The following PTPRG variants were observed in gnomAD, a reference collection of about 807,000 sequenced individuals.
PTPRG encodes receptor-type tyrosine-protein phosphatase gamma.
A neutral mutation model predicts 165.3 loss-of-function variants in PTPRG; 102 were observed. That is an observed-to-expected ratio of 0.62 (90% confidence interval 0.53 to 0.73). PTPRG has a LOEUF of 0.73. PTPRG is among the 30% of genes least tolerant of loss of function. PTPRG has a pLI of 0.00. For synonymous variants in PTPRG, 675 were observed against 669.5 expected (o/e 1.01, Z -0.13); for missense variants, 1,866 against 1,861.4 (o/e 1.00, Z -0.05).
chr3:61,861,608 T>C (rs2037272735), intron 2 of PTPRG, among the ~76,000 whole-genome samples: 1 of 152,172 alleles, frequency 6.6e-6, no homozygotes, highest in Non-Finnish European at 1.5e-5. Context: ...GCAAAGTAAT[T>C]TTCAGCTCTA....
At chr3:61,621,045 A>ATGTGTGTG (rs1414471842) in intron 1 of PTPRG, among the ~76,000 whole-genome samples, 4 of 77,478 alleles carry the variant, frequency 5.2e-5, no homozygotes, top group Admixed American at 1.3e-4. Flanking sequence ...ATATATATAT[A>ATGTGTGTG]TATATATGTG....
rs532429696 is a variant in PTPRG, at chr3:61,617,027, G to A, written c.85+54655G>A. Among the ~76,000 whole-genome samples, 16 of 152,336 alleles carry A rather than the reference G, an allele frequency of 1.1e-4. No individual in the cohort carries two copies. The East Asian group carries it at 2.9e-3, about 28-fold the overall frequency. On this transcript the variant is annotated intron_variant, in intron 1 of 29. Coordinates refer to ENST00000474889, the MANE Select transcript of PTPRG (RefSeq NM_002841.4). ...GCTGGAGTTTTGGTAAAAGGATTGTGTGCCTGATCCTGGTTTGTGTCCGAG... is the reference window on the plus strand; with the variant it reads ...GCTGGAGTTTTGGTAAAAGGATTGTATGCCTGATCCTGGTTTGTGTCCGAG...
intron 2 of PTPRG, among the ~76,000 whole-genome samples, chr3:61,953,424 TA>T (rs2039944832): frequency 6.6e-6 from 1 of 152,208 alleles, no homozygotes; most frequent in South Asian, 2.1e-4. Context: ...CCTTGGTATT[TA>T]AAAACCTAGG....
intron 5 of PTPRG, among the ~76,000 whole-genome samples, chr3:62,100,988 C>T (rs1179426100): frequency 6.6e-6 from 1 of 152,116 alleles, no homozygotes; most frequent in East Asian, 1.9e-4. Flanking sequence ...AAGTGGCATC[C>T]AAAATGCTAA....
intron 2 of PTPRG, among the ~76,000 whole-genome samples, chr3:61,921,167 C>A (rs2039070376): frequency 6.6e-6 from 1 of 151,206 alleles, no homozygotes; most frequent in Non-Finnish European, 1.5e-5. Context: ...TTCCTTCTTA[C>A]CTATCTACAG....
chr3:61,569,193 T>A (rs1052557036), intron 1 of PTPRG, among the ~76,000 whole-genome samples: 9 of 152,236 alleles, frequency 5.9e-5, no homozygotes, highest in Admixed American at 2.0e-4. Flanking sequence ...CTTTTCTATT[T>A]GTTTTCTAAA....
At chr3:62,241,622 C>G (rs1194233474) in intron 14 of PTPRG, among the ~76,000 whole-genome samples, 1 of 151,926 alleles carries the variant, frequency 6.6e-6, no homozygotes. Context: ...GCTGAACTGT[C>G]TGCCTGTCTT....
chr3:61,746,995 G>A (rs2033232386), intron 1 of PTPRG, among the ~76,000 whole-genome samples: 2 of 152,164 alleles, frequency 1.3e-5, no homozygotes, highest in African/African-American at 4.8e-5. Context: ...ATAGTGGCAT[G>A]CGCTGATGGT....
At chr3:61,585,589 GTACAAAAA>G (rs1436777762) in intron 1 of PTPRG, among the ~76,000 whole-genome samples, 1 of 151,432 alleles carries the variant, frequency 6.6e-6, no homozygotes, top group Non-Finnish European at 1.5e-5. Context: ...TACAAAAAAA[GTACAAAAA>G]TTAGCCAGGT....
chr3:62,197,584 A>G (rs1354216491), intron 10 of PTPRG, among the ~76,000 whole-genome samples: 2 of 152,088 alleles, frequency 1.3e-5, no homozygotes, highest in Non-Finnish European at 2.9e-5. Flanking sequence ...GTGCTGGCCT[A>G]GGGGAGAAGG....
At chr3:61,890,798 A>G (rs2038192626) in intron 2 of PTPRG, among the ~76,000 whole-genome samples, 1 of 152,200 alleles carries the variant, frequency 6.6e-6, no homozygotes, top group Non-Finnish European at 1.5e-5. Context: ...TCTACCTGCC[A>G]TTCAGCTTTT....
At chr3:61,635,760 G>A (rs1701892188) in intron 1 of PTPRG, among the ~76,000 whole-genome samples, 2 of 152,092 alleles carry the variant, frequency 1.3e-5, no homozygotes, top group South Asian at 4.1e-4. Flanking sequence ...ATTCCAGGTA[G>A]CCTATCTCCA....
intron 5 of PTPRG, among the ~76,000 whole-genome samples, chr3:62,086,715 C>T (rs1051869468): frequency 1.3e-5 from 2 of 152,098 alleles, no homozygotes; most frequent in African/African-American, 4.8e-5. Context: ...AATTAAAATA[C>T]ATATGTTCCA....
chr3:61,873,388 C>A (rs2037637764), intron 2 of PTPRG, among the ~76,000 whole-genome samples: 1 of 152,040 alleles, frequency 6.6e-6, no homozygotes, highest in Admixed American at 6.6e-5. Flanking sequence ...CTTAAAACAT[C>A]TGATACAGAA....
rs1294808577 is a variant in PTPRG, at chr3:61,705,082, T to TA, written c.86-43789dup. On this transcript the variant is annotated intron_variant, in intron 1 of 29. Coordinates refer to ENST00000474889, the MANE Select transcript of PTPRG (RefSeq NM_002841.4). ...GGACAGTGAGCTTAGCTGCCTGGGA[T>TA]AAAAAAACACATGCACTGAAGAGCT... Among the ~76,000 whole-genome samples the TA allele has an allele frequency of 3.3e-5, 5 of 152,262 alleles. No individual in the cohort carries two copies. The South Asian group carries it at 6.2e-4, about 19-fold the overall frequency.
intron 1 of PTPRG, among the ~76,000 whole-genome samples, chr3:61,600,643 G>C (rs1173254585): frequency 6.6e-6 from 1 of 152,104 alleles, no homozygotes; most frequent in African/African-American, 2.4e-5. Flanking sequence ...AGGCTCAAGC[G>C]ATCCTCCCAC....
intron 4 of PTPRG, among the ~76,000 whole-genome samples, chr3:62,026,879 T>TAAAAAAAAGAAAAAAAAAA (rs2041815944): frequency 1.1e-5 from 1 of 94,726 alleles, no homozygotes; most frequent in Non-Finnish European, 2.0e-5. Context: ...GAGTGAGAAT[T>TAAAAAAAAGAAAAAAAAAA]AAAAAAAAAA....
chr3:61,744,411 C>T (rs925647658), intron 1 of PTPRG, among the ~76,000 whole-genome samples: 13 of 152,156 alleles, frequency 8.5e-5, no homozygotes, highest in African/African-American at 2.9e-4. Flanking sequence ...ACACCTAGAC[C>T]ATATGGTGTA....
Position 61,831,934 on chromosome 3 carries a change from A to G in PTPRG, c.190+82952A>G, listed in dbSNP as rs148384612. Among the ~76,000 whole-genome samples the G allele has an allele frequency of 3.9e-3, 594 of 152,296 alleles. 5 individuals carry two copies. The highest frequency in any genetic ancestry group is 0.013 in the African/African-American group (554 of 41,564). On this transcript the variant is annotated intron_variant, in intron 2 of 29. Transcript: ENST00000474889. ...TTAAAAATTACTTAAAAGAGAATAA[A>G]CAACATCTTGTCTATAACTATTCTA...
Sources: gnomAD v4.1 joint callset for allele counts (sites outside exome capture counted in the v4.1 genomes callset) on GRCh38, gnomAD v4.1.1 for gene constraint, MANE v1.5 for transcripts, NCBI Gene and HGNC (gene_info 2026-07-23, HGNC 2026-07-21) for gene names.